Variants in FAM180A observed in about 807,000 individuals in gnomAD.
FAM180A encodes protein FAM180A.
A neutral mutation model predicts 15.3 loss-of-function variants in FAM180A; 14 were observed. The ratio of observed to expected loss-of-function variants is 0.92; its 90% CI spans 0.61 to 1.43. The LOEUF (loss-of-function observed/expected upper bound fraction) is 1.43. Ranked by LOEUF, FAM180A falls within the 40% of genes most tolerant of loss-of-function variation. FAM180A has a pLI of 0.00. For synonymous variants in FAM180A, 90 were observed against 96.8 expected, an observed-to-expected ratio of 0.93 and a Z score of 0.41; for missense variants, 200 against 220.8, an observed-to-expected ratio of 0.91 and a Z score of 0.60.
At chr7:135,739,003 T>A (rs967935259) in intron 1 of FAM180A, among the ~76,000 whole-genome samples, 2 of 152,124 alleles carry the variant, frequency 1.3e-5, no homozygotes, top group Non-Finnish European at 2.9e-5. Flanking sequence ...CAAATTATGT[T>A]CAGTGTACGC....
At chr7:135,739,277 A>C (rs1413087546) in intron 1 of FAM180A, among the ~76,000 whole-genome samples, 2 of 131,664 alleles carry the variant, frequency 1.5e-5, no homozygotes, top group Non-Finnish European at 3.1e-5. Flanking sequence ...GCCACACTGC[A>C]CTCCAGCCTG....
Position 135,730,019 on chromosome 7 carries a change from T to C in FAM180A, c.*592A>G. The C allele has an allele frequency of 1.0e-6, 1 of 976,404 alleles. No individual in the cohort carries two copies. Among genetic ancestry groups the C allele is most frequent in the Non-Finnish European group, 1.2e-6 (1 of 821,946 alleles). The allele number at this position is 976,404 out of a possible 1,614,324, so 60.5% of individuals were successfully genotyped here. On this transcript the variant is annotated 3_prime_UTR_variant, in exon 4 of 4. Coordinates refer to ENST00000338588, the MANE Select transcript of FAM180A (RefSeq NM_205855.4). ...TTACCTGATGTGTTTTTTACCACAA[T>C]AAAAAAAATAAGATTGAAATGGATT...
intron 1 of FAM180A, among the ~76,000 whole-genome samples, chr7:135,738,581 G>C (rs1388014183): frequency 6.6e-6 from 1 of 152,180 alleles, no homozygotes; most frequent in East Asian, 1.9e-4. Flanking sequence ...ATGGTAACTG[G>C]AGGAAGATGA....
rs776325945 is a variant in FAM180A at position 135,730,200 on chromosome 7, A to G, written c.*411T>C. The G allele has an allele frequency of 4.1e-6, 4 of 985,416 alleles. No individual in the cohort carries two copies. Among genetic ancestry groups the G allele is most frequent in the Non-Finnish European group, 4.8e-6 (4 of 829,920 alleles). 61.0% of individuals were successfully genotyped at this position (985,416 alleles called of 1,614,324 possible). ...TGTCTGTTGATGTCTCTTGAGTGACATTGGAGATAGCTGTGAGGATGCCAA... is the reference window on the plus strand; with the variant it reads ...TGTCTGTTGATGTCTCTTGAGTGACGTTGGAGATAGCTGTGAGGATGCCAA... On this transcript the variant is annotated 3_prime_UTR_variant, in exon 4 of 4. Coordinates refer to ENST00000338588, the MANE Select transcript of FAM180A (RefSeq NM_205855.4).
At chr7:135,733,050 G>A (rs1455369240) in intron 3 of FAM180A, among the ~76,000 whole-genome samples, 2 of 152,146 alleles carry the variant, frequency 1.3e-5, no homozygotes, top group Non-Finnish European at 2.9e-5. Context: ...GCCCCTTCCT[G>A]TTTCTCTTCT....
At chr7:135,744,084 C>G (rs191855959) in intron 1 of FAM180A, among the ~76,000 whole-genome samples, 1 of 152,164 alleles carries the variant, frequency 6.6e-6, no homozygotes, top group Non-Finnish European at 1.5e-5. Context: ...CCCTACCTCC[C>G]CCACACCTTA....
chr7:135,732,956 T>A (rs1189079926), intron 3 of FAM180A, among the ~76,000 whole-genome samples: 3 of 152,236 alleles, frequency 2.0e-5, no homozygotes, highest in African/African-American at 7.2e-5. Context: ...CGGGCCTACA[T>A]GCCACCTTGT....
intron 3 of FAM180A, among the ~76,000 whole-genome samples, chr7:135,731,964 G>A (rs1796789447): frequency 6.6e-6 from 1 of 152,300 alleles, no homozygotes; most frequent in South Asian, 2.1e-4. Flanking sequence ...TTTGCTTGCT[G>A]AGCTCAGCTG....
intron 3 of FAM180A, among the ~76,000 whole-genome samples, chr7:135,731,403 A>C (rs1796778491): frequency 6.6e-6 from 1 of 151,996 alleles, no homozygotes; most frequent in Non-Finnish European, 1.5e-5. Flanking sequence ...ACTGACAGAC[A>C]GTGAGTGTTA....
chr7:135,747,160 T>C (rs942322724), intron 1 of FAM180A, among the ~76,000 whole-genome samples: 1 of 152,146 alleles, frequency 6.6e-6, no homozygotes, highest in African/African-American at 2.4e-5. Context: ...TATCACTGGA[T>C]TGTTTGTAAC....
intron 1 of FAM180A, among the ~76,000 whole-genome samples, chr7:135,741,382 A>C (rs1469726180): frequency 1.3e-5 from 2 of 152,106 alleles, no homozygotes; most frequent in Non-Finnish European, 2.9e-5. Context: ...GCAGGCACCT[A>C]CAGGGCACCT....
intron 1 of FAM180A, among the ~76,000 whole-genome samples, chr7:135,739,977 GCT>G (rs2129496108): frequency 6.6e-6 from 1 of 152,322 alleles, no homozygotes; most frequent in East Asian, 1.9e-4. Flanking sequence ...AGAGTGACGA[GCT>G]CTGTTTCGCC....
chr7:135,744,247 C>A (rs949336507), intron 1 of FAM180A, among the ~76,000 whole-genome samples: 21 of 152,156 alleles, frequency 1.4e-4, no homozygotes, highest in African/African-American at 5.1e-4. Context: ...CCGATATGTT[C>A]AGTAGTATGG....
In FAM180A at chr7:135,748,778, C is replaced by G; in HGVS notation, c.-198G>C. ...TCCTGGGTGGGACAGGAGTCGGTAC[C>G]TCTCTTCATTTGACGCTCTCTGGGA... On this transcript the variant is annotated 5_prime_UTR_variant, in exon 1 of 4. Transcript: ENST00000338588. 3 of 580,146 alleles carry G rather than the reference C, an allele frequency of 5.2e-6. No individual in the cohort carries two copies. In the South Asian group the frequency reaches 6.0e-5, roughly 12 times the overall value. 35.9% of individuals were successfully genotyped at this position (580,146 alleles called of 1,614,324 possible).
intron 1 of FAM180A, 82 bp from the exon 2 acceptor site, chr7:135,737,281 G>C (rs1171241798): frequency 1.8e-5 from 21 of 1,162,968 alleles, no homozygotes; most frequent in Non-Finnish European, 2.5e-5. Flanking sequence ...AGGTAGTCAA[G>C]GAGTCTTAAA....
Position 135,729,726 on chromosome 7 carries a change from A to G in FAM180A, c.*885T>C. ...ACTCTACCCATTTTTCAGAGGAAGG[A>G]AACACTTTTCCAGAATACAATGCTC... On this transcript the variant is annotated 3_prime_UTR_variant, in exon 4 of 4. Transcript: ENST00000338588. 1 of 985,422 alleles carries G rather than the reference A, an allele frequency of 1.0e-6. No individual in the cohort carries two copies. The highest frequency in any genetic ancestry group is 1.1e-4 in the East Asian group (1 of 8,818). 61.0% of individuals were successfully genotyped at this position (985,422 alleles called of 1,614,324 possible). A position where few individuals can be genotyped will look rare whatever the true frequency, so the allele number is the denominator to read the frequency against.
Position 135,729,730 on chromosome 7 carries a change from A to C in FAM180A, c.*881T>G. The C allele has an allele frequency of 1.0e-6, 1 of 985,420 alleles. No individual in the cohort carries two copies. Among genetic ancestry groups the C allele is most frequent in the Non-Finnish European group, 1.2e-6 (1 of 829,912 alleles). 61.0% of individuals were successfully genotyped at this position (985,420 alleles called of 1,614,324 possible). On this transcript the variant is annotated 3_prime_UTR_variant, in exon 4 of 4. Coordinates refer to ENST00000338588, the MANE Select transcript of FAM180A (RefSeq NM_205855.4). ...TACCCATTTTTCAGAGGAAGGAAACACTTTTCCAGAATACAATGCTCAAGA... is the reference window on the plus strand; with the variant it reads ...TACCCATTTTTCAGAGGAAGGAAACCCTTTTCCAGAATACAATGCTCAAGA...
At position 135,730,100 on chromosome 7, in the gene FAM180A, T is replaced by C. The variant is rs1445852552; in HGVS notation, c.*511A>G. On this transcript the variant is annotated 3_prime_UTR_variant, in exon 4 of 4. Coordinates refer to ENST00000338588, the MANE Select transcript of FAM180A (RefSeq NM_205855.4). ...TTAACAAGCATTTGATTTTAGACCA[T>C]TGGACCTGCAGAAATACTTTGATTT... 6.1e-6 allele frequency: 6 copies of C among 985,274 alleles called. No individual in the cohort carries two copies. The highest frequency in any genetic ancestry group is 5.2e-5 in the African/African-American group (3 of 57,220). 61.0% of individuals were successfully genotyped at this position (985,274 alleles called of 1,614,324 possible).
At chr7:135,739,680 TA>T (rs35701835) in intron 1 of FAM180A, among the ~76,000 whole-genome samples, 96 of 140,250 alleles carry the variant, frequency 6.8e-4, no homozygotes, top group Middle Eastern at 3.7e-3. Context: ...CAGAAGTGAT[TA>T]AAAAAAAAAA....
Sources: gnomAD v4.1 joint callset for allele counts (sites outside exome capture counted in the v4.1 genomes callset) on GRCh38, gnomAD v4.1.1 for gene constraint, MANE v1.5 for transcripts, NCBI Gene and HGNC (gene_info 2026-07-23, HGNC 2026-07-21) for gene names.